KIAA1549L: variants seen among roughly 807,000 people sequenced by gnomAD.
The protein encoded by KIAA1549L is KIAA1549 like.
Under a neutral mutation model 160.7 loss-of-function variants are expected in KIAA1549L, and 88 were observed. That is an observed-to-expected ratio of 0.55 (90% CI 0.46 to 0.65). The LOEUF (loss-of-function observed/expected upper bound fraction) is 0.65, where lower values mean the gene tolerates loss of function less well. KIAA1549L is among the 30% of genes least tolerant of loss of function. KIAA1549L has a pLI of 0.00. For synonymous variants in KIAA1549L, 950 were observed against 976.7 expected (o/e 0.97, Z 0.51); for missense variants, 2,258 against 2,437.5 (o/e 0.93, Z 1.55).
In KIAA1549L at chr11:33,615,329, A is replaced by C. The variant is rs551015019; in HGVS notation, c.5280-3204A>C. 3.3e-5 allele frequency among the ~76,000 whole-genome samples: 5 copies of C among 152,292 alleles called. No individual in the cohort carries two copies. In the East Asian group the frequency reaches 9.6e-4, roughly 29 times the overall value. On this transcript the variant is annotated intron_variant, in intron 15 of 20. Coordinates refer to ENST00000658780, the MANE Select transcript of KIAA1549L (RefSeq NM_012194.3). ...ACATAATTTGAGAGTTACTTTCTTA[A>C]ACTGTATTGGGATTAACCAGCAAGT...
intron 13 of KIAA1549L, among the ~76,000 whole-genome samples, chr11:33,603,297 C>G (rs1048229665): frequency 6.0e-5 from 8 of 134,220 alleles, no homozygotes; most frequent in Non-Finnish European, 8.5e-5. Flanking sequence ...CACTGTAAAT[C>G]AGTATAACAT....
Position 33,650,591 on chromosome 11 carries a change from G to A in KIAA1549L, c.5760+4555G>A, listed in dbSNP as rs184470091. Among the ~76,000 whole-genome samples, 193 of 152,116 alleles carry A rather than the reference G, an allele frequency of 1.3e-3. 2 individuals carry two copies. Among genetic ancestry groups the A allele is most frequent in the Non-Finnish European group, 2.1e-3 (140 of 67,996 alleles). The stretch of plus-strand genomic sequence containing the variant: ...GAAGCCCTTGTTCCCACCTTTTCTC[G>A]GGTTGCCCGTCCAGGCAGAGCATAG... On this transcript the variant is annotated intron_variant, in intron 17 of 20. Transcript: ENST00000658780.
chr11:33,533,357 G>A (rs902940897), intron 1 of KIAA1549L, among the ~76,000 whole-genome samples: 1 of 152,172 alleles, frequency 6.6e-6, no homozygotes, highest in Non-Finnish European at 1.5e-5. Context: ...GAGGCAGTTT[G>A]CACTGTTTTT....
chr11:33,426,370 C>A (rs1851116131), intron 1 of KIAA1549L, among the ~76,000 whole-genome samples: 1 of 152,070 alleles, frequency 6.6e-6, no homozygotes, highest in Non-Finnish European at 1.5e-5. Context: ...TCATTTCTTG[C>A]ATATGAATTT....
Position 33,669,096 on chromosome 11 carries a change from A to G in KIAA1549L, c.*942A>G, listed in dbSNP as rs1417944789. 1 of 152,222 alleles carries G rather than the reference A, an allele frequency of 6.6e-6. No individual in the cohort carries two copies. Among genetic ancestry groups the G allele is most frequent in the Admixed American group, 6.5e-5 (1 of 15,282 alleles). The allele number at this position is 152,222 out of a possible 1,614,324, so 9.4% of individuals were successfully genotyped here. ...TGTCCAGTGTGTGCTGCTGAGTGGT[A>G]CAAAAGGAAATAGTACTTGATTCCT... On this transcript the variant is annotated 3_prime_UTR_variant, in exon 21 of 21. Transcript: ENST00000658780.
At chr11:33,548,558 T>A (rs1422142454) in intron 4 of KIAA1549L, among the ~76,000 whole-genome samples, 1 of 152,216 alleles carries the variant, frequency 6.6e-6, no homozygotes, top group Admixed American at 6.5e-5. Flanking sequence ...AAACAGTGAT[T>A]TATTTCTGGA....
intron 1 of KIAA1549L, among the ~76,000 whole-genome samples, chr11:33,440,269 A>G (rs1267571094): frequency 6.7e-6 from 1 of 148,596 alleles, no homozygotes; most frequent in African/African-American, 2.5e-5. Flanking sequence ...AGCTGGGACT[A>G]CAGGCGCCCG....
chr11:33,645,749 A>T lies in KIAA1549L; in HGVS notation c.5473A>T (p.Arg1825Trp), dbSNP rs752213818. 15 of 1,613,968 alleles carry T rather than the reference A, an allele frequency of 9.3e-6. No individual in the cohort carries two copies. The highest frequency in any genetic ancestry group is 1.3e-5 in the Non-Finnish European group (15 of 1,179,870). The change falls in exon 17 of 21, where the codon AGG becomes TGG. Residue 1825 changes from arginine (R) to tryptophan (W), a missense_variant. Coordinates refer to ENST00000658780, the MANE Select transcript of KIAA1549L (RefSeq NM_012194.3). ...AGTTCCTGAGCCCCGGGGCTATTCC[A>T]GGTCTCGACAGGTGAAAGGCCACTC... ...DRVPEPRGYSRSRQVKGHSET... is the reference protein window; with the variant it reads ...DRVPEPRGYSWSRQVKGHSET...
At chr11:33,564,580 T>C (rs1039756638) in intron 8 of KIAA1549L, among the ~76,000 whole-genome samples, 4 of 152,218 alleles carry the variant, frequency 2.6e-5, no homozygotes, top group Admixed American at 6.5e-5. Context: ...TGAGGCAAGA[T>C]AGAAATGTGC....
At chr11:33,586,186 G>T (rs183046469) in intron 11 of KIAA1549L, among the ~76,000 whole-genome samples, 150 of 152,364 alleles carry the variant, frequency 9.8e-4, no homozygotes, top group Non-Finnish European at 2.0e-3. Context: ...CCTTAGACTA[G>T]GAGGACAGTC....
chr11:33,545,486 C>A, intron 3 of KIAA1549L, 108 bp downstream of exon 3: 2 of 1,309,686 alleles, frequency 1.5e-6, no homozygotes, highest in Admixed American at 2.6e-5. Flanking sequence ...TTTTTCCACC[C>A]TCCCCCAGGG....
intron 1 of KIAA1549L, among the ~76,000 whole-genome samples, chr11:33,479,643 G>A (rs1852366798): frequency 6.6e-6 from 1 of 152,146 alleles, no homozygotes; most frequent in African/African-American, 2.4e-5. Flanking sequence ...CTGTTATATT[G>A]GAATTAAAGA....
intron 8 of KIAA1549L, among the ~76,000 whole-genome samples, chr11:33,565,622 G>T (rs1476948396): frequency 6.6e-6 from 1 of 151,822 alleles, no homozygotes; most frequent in African/African-American, 2.4e-5. Context: ...TGCAAAGAGT[G>T]GTGACAAAGC....
At chr11:33,570,968 A>G (rs903698358) in intron 9 of KIAA1549L, among the ~76,000 whole-genome samples, 3 of 152,292 alleles carry the variant, frequency 2.0e-5, no homozygotes, top group Middle Eastern at 3.4e-3. Context: ...AGAAACTCTT[A>G]GATGATCACA....
At chr11:33,448,908 G>A (rs12272604) in intron 1 of KIAA1549L, among the ~76,000 whole-genome samples, 266 of 152,212 alleles carry the variant, frequency 1.7e-3, no homozygotes, top group African/African-American at 5.9e-3. Context: ...GGTCCCCATC[G>A]TTTCCCCCTC....
intron 1 of KIAA1549L, among the ~76,000 whole-genome samples, chr11:33,451,503 C>G (rs1851719855): frequency 6.6e-6 from 1 of 152,164 alleles, no homozygotes; most frequent in African/African-American, 2.4e-5. Flanking sequence ...TACATTATTT[C>G]TATTTATTGC....
chr11:33,552,716 T>C (rs76289340), intron 6 of KIAA1549L, among the ~76,000 whole-genome samples: 29 of 150,540 alleles, frequency 1.9e-4, no homozygotes, highest in South Asian at 6.3e-4. Flanking sequence ...GCGTTTTATA[T>C]TGAAGTCTTT....
At chr11:33,550,266 A>T (rs908301710) in intron 4 of KIAA1549L, among the ~76,000 whole-genome samples, 18 of 152,162 alleles carry the variant, frequency 1.2e-4, no homozygotes, top group African/African-American at 3.9e-4. Context: ...ATGTGTATAT[A>T]TGTTACTCTT....
In KIAA1549L at chr11:33,553,281, T is replaced by C. The variant is rs112273541; in HGVS notation, c.3855+1040T>C. ...TCCCGAAGTGCTGGGATTACAGGCATGAACCACCACACCTGGTGCGCTGTA... is the reference window on the plus strand; with the variant it reads ...TCCCGAAGTGCTGGGATTACAGGCACGAACCACCACACCTGGTGCGCTGTA... On this transcript the variant is annotated intron_variant, in intron 6 of 20. Transcript: ENST00000658780. Among the ~76,000 whole-genome samples the C allele has an allele frequency of 3.9e-3, 584 of 149,682 alleles. 3 individuals carry two copies. The highest frequency in any genetic ancestry group is 0.014 in the African/African-American group (551 of 40,694).
Sources: allele counts gnomAD v4.1 joint callset (sites outside exome capture counted in the v4.1 genomes callset), GRCh38; gene constraint gnomAD v4.1.1; transcripts MANE v1.5; gene names NCBI Gene and HGNC (gene_info 2026-07-23, HGNC 2026-07-21).